Variants in TECRL observed in about 807,000 individuals in gnomAD.
TECRL encodes the protein trans-2,3-enoyl-CoA reductase like, also known as trans-2,3-enoyl-CoA reductase-like.
In TECRL, 63 loss-of-function variants were observed where a neutral mutation model predicts 52.8. That is an observed-to-expected ratio of 1.19 (90% CI 0.97 to 1.47). The LOEUF (loss-of-function observed/expected upper bound fraction) is 1.47. Ranked by LOEUF, TECRL falls within the 40% of genes most tolerant of loss-of-function variation. The probability of loss-of-function intolerance (pLI) is 0.00; values close to 1 mark genes in which losing one functional copy is unlikely to be tolerated. For missense variants in TECRL, 482 were observed against 429.6 expected (o/e 1.12, Z -1.08); for synonymous variants, 164 against 141.9 (o/e 1.16, Z -1.10).
At chr4:64,323,901 A>C (rs1718072430) in intron 3 of TECRL, among the ~76,000 whole-genome samples, 1 of 152,196 alleles carries the variant, frequency 6.6e-6, no homozygotes. Flanking sequence ...AGTGTGTGGT[A>C]TCTCTTAGAC....
intron 1 of TECRL, among the ~76,000 whole-genome samples, chr4:64,384,157 G>A (rs184480367): frequency 1.3e-5 from 2 of 152,190 alleles, no homozygotes; most frequent in East Asian, 3.9e-4. Context: ...TGCCCAGGTG[G>A]TGTATGCAGG....
At chr4:64,296,291 A>G (rs1723676621) in intron 8 of TECRL, among the ~76,000 whole-genome samples, 1 of 151,794 alleles carries the variant, frequency 6.6e-6, no homozygotes, top group Admixed American at 6.6e-5. Flanking sequence ...CGCCCTCTTC[A>G]CTAATCAATG....
intron 1 of TECRL, among the ~76,000 whole-genome samples, chr4:64,405,467 T>C (rs1724643648): frequency 6.6e-6 from 1 of 152,122 alleles, no homozygotes; most frequent in Non-Finnish European, 1.5e-5. Context: ...ATTTGAAGGA[T>C]GTAGTTGCCA....
chr4:64,363,158 A>G (rs1259297083), intron 2 of TECRL, among the ~76,000 whole-genome samples: 1 of 152,142 alleles, frequency 6.6e-6, no homozygotes, highest in Non-Finnish European at 1.5e-5. Flanking sequence ...ATATATATTC[A>G]CCCAACACTG....
intron 2 of TECRL, among the ~76,000 whole-genome samples, chr4:64,344,425 T>C (rs1719806122): frequency 6.6e-6 from 1 of 152,074 alleles, no homozygotes; most frequent in South Asian, 2.1e-4. Context: ...AAGCTCTGTC[T>C]TGTGAAAAAA....
intron 1 of TECRL, among the ~76,000 whole-genome samples, chr4:64,404,925 C>T (rs938351719): frequency 7.2e-5 from 11 of 151,946 alleles, no homozygotes; most frequent in African/African-American, 1.4e-4. Context: ...TTTCTTGAAC[C>T]GGAGTGCACT....
intron 2 of TECRL, among the ~76,000 whole-genome samples, chr4:64,337,137 A>G (rs1199944779): frequency 6.6e-6 from 1 of 152,158 alleles, no homozygotes; most frequent in Non-Finnish European, 1.5e-5. Context: ...CAAATCAATC[A>G]ACATAATCCA....
At chr4:64,327,654 G>T (rs909092341) in intron 3 of TECRL, among the ~76,000 whole-genome samples, 15 of 152,082 alleles carry the variant, frequency 9.9e-5, no homozygotes, top group Middle Eastern at 3.4e-3. Flanking sequence ...ATATTTCTTT[G>T]TTTTGAACAT....
intron 2 of TECRL, among the ~76,000 whole-genome samples, chr4:64,352,730 C>A (rs1405931206): frequency 6.6e-6 from 1 of 152,088 alleles, no homozygotes; most frequent in East Asian, 1.9e-4. Context: ...TCACACACAC[C>A]ACATGTAAGC....
intron 2 of TECRL, among the ~76,000 whole-genome samples, chr4:64,338,622 G>A (rs1395817485): frequency 6.6e-6 from 1 of 152,106 alleles, no homozygotes; most frequent in East Asian, 1.9e-4. Flanking sequence ...AGTGGGCAAA[G>A]GATATGAACA....
At chr4:64,353,750 T>C (rs1056448232) in intron 2 of TECRL, among the ~76,000 whole-genome samples, 1 of 152,136 alleles carries the variant, frequency 6.6e-6, no homozygotes, top group African/African-American at 2.4e-5. Context: ...TCAGTTATTT[T>C]ACACCATGAT....
intron 2 of TECRL, among the ~76,000 whole-genome samples, chr4:64,333,002 T>A (rs1324804930): frequency 6.6e-6 from 1 of 151,912 alleles, no homozygotes; most frequent in Non-Finnish European, 1.5e-5. Context: ...AAAGAATTAC[T>A]GTAAATAACT....
Position 64,309,831 on chromosome 4 carries a change from T to C in TECRL, c.652A>G (p.Ile218Val), listed in dbSNP as rs1724560905. 1.3e-6 allele frequency: 2 copies of C among 1,591,484 alleles called. No individual in the cohort carries two copies. The highest frequency in any genetic ancestry group is 1.7e-5 in the Admixed American group (1 of 59,692). The change falls in exon 6 of 12, where the codon ATA (isoleucine) becomes GTA (valine). Residue 218 changes from isoleucine (I) to valine (V), a missense_variant. Physicochemically the swap from Ile to Val is conservative, Grantham distance 29 (BLOSUM62 3). Transcript: ENST00000381210. ...SAGHTPLKNL[I>V]MSCAFYWGFT... Reference sequence around the variant, plus strand: ...AAAACACAAAGCATCCTCACCATTATCAAATTTTTCAAAGGTGTGTGTCCT... The same window carrying C: ...AAAACACAAAGCATCCTCACCATTACCAAATTTTTCAAAGGTGTGTGTCCT...
At chr4:64,313,884 A>C (rs1293372301) in intron 5 of TECRL, among the ~76,000 whole-genome samples, 1 of 148,700 alleles carries the variant, frequency 6.7e-6, no homozygotes, top group African/African-American at 2.5e-5. Context: ...CTGTAATCCC[A>C]GCACTTTGGG....
intron 1 of TECRL, among the ~76,000 whole-genome samples, chr4:64,383,966 T>A (rs780408222): frequency 3.0e-4 from 46 of 152,104 alleles, no homozygotes; most frequent in Middle Eastern, 3.4e-3. Flanking sequence ...GGTGCAGTAT[T>A]GTAGTCTCTG....
At chr4:64,385,651 G>A (rs1723124900) in intron 1 of TECRL, among the ~76,000 whole-genome samples, 1 of 152,126 alleles carries the variant, frequency 6.6e-6, no homozygotes, top group South Asian at 2.1e-4. Flanking sequence ...TGGGCCCCAA[G>A]GCAGGATATA....
intron 8 of TECRL, chr4:64,298,759 G>T (rs977607430): frequency 3.3e-5 from 5 of 151,020 alleles, no homozygotes; most frequent in African/African-American, 1.2e-4. Flanking sequence ...CTAATAATCA[G>T]ATATTAATCT....
chr4:64,366,457 AT>A (rs1397909162), intron 2 of TECRL, among the ~76,000 whole-genome samples: 1 of 152,200 alleles, frequency 6.6e-6, no homozygotes, highest in Non-Finnish European at 1.5e-5. Flanking sequence ...AAAAGAAACT[AT>A]CAATGAAGTG....
intron 5 of TECRL, among the ~76,000 whole-genome samples, chr4:64,310,139 T>C (rs1257921059): frequency 2.0e-5 from 3 of 152,216 alleles, no homozygotes; most frequent in Non-Finnish European, 2.9e-5. Context: ...AGAGTCTCTA[T>C]AAATTTACTT....
Sources: gnomAD v4.1 joint callset for allele counts (sites outside exome capture counted in the v4.1 genomes callset) on GRCh38, gnomAD v4.1.1 for gene constraint, MANE v1.5 for transcripts, NCBI Gene and HGNC (gene_info 2026-07-23, HGNC 2026-07-21) for gene names.